NEK11: variants seen among roughly 807,000 people sequenced by gnomAD.
NEK11 encodes NIMA related kinase 11.
NEK11 carries 72 observed loss-of-function variants against 80.7 expected under a neutral mutation model. That is an observed-to-expected ratio of 0.89 (90% CI 0.74 to 1.08). The LOEUF (loss-of-function observed/expected upper bound fraction) is 1.08. Ranked by LOEUF, NEK11 falls within the 50% of genes least tolerant of loss-of-function variation. The pLI is 0.00. For synonymous variants in NEK11, 251 were observed against 260.7 expected (o/e 0.96, Z 0.36); for missense variants, 764 against 763.6 (o/e 1.00, Z -0.01).
intron 4 of NEK11, among the ~76,000 whole-genome samples, chr3:131,083,107 T>TC (rs1353888118): frequency 1.2e-4 from 18 of 152,276 alleles, no homozygotes; most frequent in Middle Eastern, 3.4e-3. Context: ...AATCAGAAAT[T>TC]CTGGGGGTGG....
intron 17 of NEK11, among the ~76,000 whole-genome samples, chr3:131,290,823 G>C (rs1308917434): frequency 6.6e-6 from 1 of 152,062 alleles, no homozygotes; most frequent in Non-Finnish European, 1.5e-5. Flanking sequence ...AAAATTGAGA[G>C]GAAGATACAG....
intron 14 of NEK11, among the ~76,000 whole-genome samples, chr3:131,218,773 G>T (rs1487527756): frequency 6.6e-6 from 1 of 152,150 alleles, no homozygotes; most frequent in Non-Finnish European, 1.5e-5. Context: ...ATCTCATTGT[G>T]GTTTTGATTT....
At chr3:131,341,204 A>G (rs956531480) in intron 17 of NEK11, among the ~76,000 whole-genome samples, 5 of 152,348 alleles carry the variant, frequency 3.3e-5, no homozygotes, top group Admixed American at 2.6e-4. Flanking sequence ...TTACACGGCA[A>G]TATTCCAAGA....
At position 131,296,860 on chromosome 3, in the gene NEK11, G is replaced by A. The variant is rs2096599257; in HGVS notation, c.1718+23286G>A. On this transcript the variant is annotated intron_variant, in intron 17 of 17. Coordinates refer to ENST00000383366, the MANE Select transcript of NEK11 (RefSeq NM_024800.5). ...CAGAGTGTGATGTTCCACTTCCTGT[G>A]TCCATGGGTTCTCATTGTTCAATTC... Among the ~76,000 whole-genome samples the A allele has an allele frequency of 2.0e-5, 3 of 149,882 alleles. No homozygotes were observed. In the South Asian group the frequency reaches 6.3e-4, roughly 32 times the overall value.
intron 14 of NEK11, among the ~76,000 whole-genome samples, chr3:131,207,736 A>T (rs1000812714): frequency 1.3e-5 from 2 of 152,112 alleles, no homozygotes; most frequent in African/African-American, 4.8e-5. Context: ...GCATTTTTTC[A>T]TGTGACTGTT....
intron 17 of NEK11, among the ~76,000 whole-genome samples, chr3:131,278,090 T>C (rs2096329885): frequency 6.6e-6 from 1 of 152,248 alleles, no homozygotes; most frequent in Admixed American, 6.5e-5. Context: ...ATGTAGTATC[T>C]TTTTAGCATG....
intron 3 of NEK11, among the ~76,000 whole-genome samples, chr3:131,034,392 T>C (rs1297145979): frequency 2.0e-5 from 3 of 152,204 alleles, no homozygotes; most frequent in Admixed American, 2.0e-4. Flanking sequence ...ATGAAGTATT[T>C]AATACAATTT....
At chr3:131,182,173 C>A (rs2093393877) in intron 14 of NEK11, among the ~76,000 whole-genome samples, 1 of 151,124 alleles carries the variant, frequency 6.6e-6, no homozygotes, top group Admixed American at 6.6e-5. Context: ...AAAGAACTTT[C>A]TGGCAAGTAA....
intron 3 of NEK11, among the ~76,000 whole-genome samples, chr3:131,039,794 C>T (rs1406305135): frequency 2.0e-5 from 3 of 152,286 alleles, no homozygotes; most frequent in South Asian, 4.1e-4. Context: ...TACTCTTCAA[C>T]TGATTTTCCT....
At chr3:131,063,181 C>T (rs1220024788) in intron 3 of NEK11, among the ~76,000 whole-genome samples, 5 of 152,102 alleles carry the variant, frequency 3.3e-5, no homozygotes, top group East Asian at 1.9e-4. Flanking sequence ...CATGCCACCA[C>T]GCCCAGCTAA....
intron 17 of NEK11, among the ~76,000 whole-genome samples, chr3:131,306,793 A>T (rs148356771): frequency 5.7e-4 from 87 of 152,192 alleles, no homozygotes; most frequent in African/African-American, 1.9e-3. Flanking sequence ...GGTATATCTC[A>T]CTCAATTATG....
chr3:131,191,151 A>G (rs905260881), intron 14 of NEK11, among the ~76,000 whole-genome samples: 7 of 152,210 alleles, frequency 4.6e-5, no homozygotes, highest in African/African-American at 1.7e-4. Context: ...CAAAAAATAC[A>G]TTTAATACCT....
chr3:131,296,892 A>T (rs2096599725), intron 17 of NEK11, among the ~76,000 whole-genome samples: 2 of 150,762 alleles, frequency 1.3e-5, no homozygotes, highest in South Asian at 4.2e-4. Context: ...ATTCCCACCT[A>T]TGAGTGAGAA....
In NEK11 at chr3:131,164,119, C is replaced by T. The variant is rs147541938; in HGVS notation, c.1083-1307C>T. Among the ~76,000 whole-genome samples the T allele has an allele frequency of 5.3e-4, 81 of 152,248 alleles. 1 individual carries two copies. The East Asian group carries it at 0.013, about 24-fold the overall frequency. On this transcript the variant is annotated intron_variant, in intron 11 of 17. Transcript: ENST00000383366. ...GTAAGAATCTATGAGTCTATTTTCC[C>T]GTAACATTTGCTTTCTTTAATAAAT...
chr3:131,082,169 C>T (rs1485265488), intron 4 of NEK11, among the ~76,000 whole-genome samples: 1 of 152,114 alleles, frequency 6.6e-6, no homozygotes. Context: ...AAGATGATGT[C>T]AGGTGTGATC....
intron 14 of NEK11, among the ~76,000 whole-genome samples, chr3:131,226,107 G>T (rs2095185768): frequency 6.6e-6 from 1 of 152,170 alleles, no homozygotes; most frequent in Non-Finnish European, 1.5e-5. Context: ...AGTGGGGAAA[G>T]AGGGAGAATG....
At chr3:131,295,415 G>T (rs1192658219) in intron 17 of NEK11, among the ~76,000 whole-genome samples, 1 of 152,000 alleles carries the variant, frequency 6.6e-6, no homozygotes, top group Non-Finnish European at 1.5e-5. Flanking sequence ...GAAAGTGTCA[G>T]ATTTTTCAGC....
chr3:131,090,287 C>A (rs2149135594), intron 4 of NEK11, among the ~76,000 whole-genome samples: 1 of 152,208 alleles, frequency 6.6e-6, no homozygotes, highest in South Asian at 2.1e-4. Flanking sequence ...ACTATTAATC[C>A]ATCAAATGTT....
chr3:131,086,180 A>C (rs1319217767), intron 4 of NEK11, among the ~76,000 whole-genome samples: 2 of 152,178 alleles, frequency 1.3e-5, no homozygotes, highest in Non-Finnish European at 2.9e-5. Flanking sequence ...CTGTAAAGTT[A>C]CTATTTTTTC....
Sources: allele counts gnomAD v4.1 joint callset (sites outside exome capture counted in the v4.1 genomes callset), GRCh38; gene constraint gnomAD v4.1.1; transcripts MANE v1.5; gene names NCBI Gene and HGNC (gene_info 2026-07-23, HGNC 2026-07-21).